Variants in LAMA1 observed in about 807,000 individuals in gnomAD.
The protein encoded by LAMA1 is laminin subunit alpha 1, also known as laminin subunit alpha-1.
Under a neutral mutation model 348.7 loss-of-function variants are expected in LAMA1, and 219 were observed. That is an observed-to-expected ratio of 0.63 (90% CI 0.56 to 0.70). The LOEUF is 0.70. Among genes scored for constraint, LAMA1 ranks in the 30% least tolerant of loss-of-function variants. LAMA1 has a pLI of 0.00. For missense variants in LAMA1, 3,744 were observed against 3,888.0 expected (o/e 0.96, Z 0.99); for synonymous variants, 1,487 against 1,491.0 (o/e 1.00, Z 0.06).
chr18:7,068,110 C>T (rs1043369330), intron 3 of LAMA1, among the ~76,000 whole-genome samples: 1 of 152,202 alleles, frequency 6.6e-6, no homozygotes, highest in Non-Finnish European at 1.5e-5. Context: ...GCCTCGGCTT[C>T]CCAAAGTGCT....
Position 7,080,025 on chromosome 18 carries a change from G to C in LAMA1, c.295C>G (p.Gln99Glu). 2 of 1,614,148 alleles carry C rather than the reference G, an allele frequency of 1.2e-6. No homozygotes were observed. Among genetic ancestry groups the C allele is most frequent in the South Asian group, 2.2e-5 (2 of 91,080 alleles). Residue 99 changes from glutamine (Q) to glutamate (E), a missense_variant, in exon 3 of 63, where the codon CAG becomes GAG. Physicochemically the swap from Gln to Glu is conservative, Grantham distance 29 (BLOSUM62 2). Coordinates refer to ENST00000389658, the MANE Select transcript of LAMA1 (RefSeq NM_005559.4). Reference protein sequence around the residue: ...TNNWWQSPSIQNGREYHWVTI... With the variant: ...TNNWWQSPSIENGREYHWVTI... The stretch of plus-strand genomic sequence containing the variant: ...ACCCAGTGATATTCTCTCCCATTCT[G>C]AATGCTGGGACTTTGCCACCAGTTA...
intron 22 of LAMA1, among the ~76,000 whole-genome samples, chr18:7,014,555 A>AAGGATACAGTGAGCTTTG (rs36221713): frequency 8.5e-4 from 128 of 151,418 alleles, no homozygotes; most frequent in East Asian, 5.1e-3. Flanking sequence ...CCAAGAGGTC[A>AAGGATACAGTGAGCTTTG]AGGATACAGT....
rs2057768590 is a variant in LAMA1 at position 6,993,730 on chromosome 18, G to A, written c.4919C>T (p.Thr1640Ile). 1.2e-6 allele frequency: 2 copies of A among 1,613,124 alleles called. No homozygotes were observed. The highest frequency in any genetic ancestry group is 1.7e-6 in the Non-Finnish European group (2 of 1,179,130). Residue 1640 changes from threonine (T) to isoleucine (I), a missense_variant, in exon 35 of 63, where the codon ACC becomes ATC. Thr to Ile is a moderately conservative substitution (Grantham distance 89). Coordinates refer to ENST00000389658, the MANE Select transcript of LAMA1 (RefSeq NM_005559.4). ...CTCAGTTGCCCTATTCACCTTTTGG[G>A]TACTCGCTAACATCCTAGTGAGCTG... ...QKKLTRMLASTQKVNRATERI... is the reference protein window; with the variant it reads ...QKKLTRMLASIQKVNRATERI...
At chr18:6,976,163 A>G in intron 44 of LAMA1, 83 bp from the exon 45 acceptor site, 2 of 1,418,038 alleles carry the variant, frequency 1.4e-6, no homozygotes, top group Middle Eastern at 1.9e-4. Context: ...GCTATTCTGT[A>G]ATGAATTTTC....
At chr18:7,076,936 T>C (rs920012559) in intron 3 of LAMA1, 3 of 152,166 alleles carry the variant, frequency 2.0e-5, no homozygotes, top group African/African-American at 2.4e-5. Flanking sequence ...CACTGTAATA[T>C]GCTTTCTACA....
intron 25 of LAMA1, among the ~76,000 whole-genome samples, chr18:7,010,806 TC>T (rs1399867402): frequency 6.6e-6 from 1 of 151,986 alleles, no homozygotes; most frequent in African/African-American, 2.4e-5. Context: ...AGTAGTTTTT[TC>T]CCCCCAAATG....
chr18:6,978,188 T>G lies in LAMA1; in HGVS notation c.6190+8A>C, dbSNP rs1568015433. 1 of 1,614,118 alleles carries G rather than the reference T, an allele frequency of 6.2e-7. No individual in the cohort carries two copies. The highest frequency in any genetic ancestry group is 1.7e-5 in the Admixed American group (1 of 59,996). The stretch of plus-strand genomic sequence containing the variant: ...CGATCATGACTGGAAGGAAGGGCGC[T>G]GACATACTGGCCATGGTGGAGTCCT... On this transcript the variant is annotated splice_region_variant and intron_variant, in intron 43 of 62. Transcript: ENST00000389658.
intron 56 of LAMA1, chr18:6,956,196 A>G (rs966550429): frequency 2.3e-5 from 8 of 341,760 alleles, no homozygotes; most frequent in Non-Finnish European, 4.0e-5. Context: ...AGGGGAGAAC[A>G]TGAAAAATAG....
intron 5 of LAMA1, among the ~76,000 whole-genome samples, chr18:7,048,524 T>A (rs2058050754): frequency 6.6e-6 from 1 of 152,138 alleles, no homozygotes; most frequent in African/African-American, 2.4e-5. Flanking sequence ...AGTGTTGGGA[T>A]TACACACGTG....
At chr18:7,016,058 A>G (rs920562696) in intron 21 of LAMA1, among the ~76,000 whole-genome samples, 200 bp from the exon 22 acceptor site, 2 of 152,048 alleles carry the variant, frequency 1.3e-5, no homozygotes, top group African/African-American at 4.8e-5. Context: ...GGAAGCGGGG[A>G]AATGGGGACA....
At chr18:7,023,795 G>A (rs1218499068) in intron 18 of LAMA1, among the ~76,000 whole-genome samples, 1 of 152,154 alleles carries the variant, frequency 6.6e-6, no homozygotes, top group Non-Finnish European at 1.5e-5. Flanking sequence ...ATATTCAAAT[G>A]TGTGAACCAC....
At chr18:7,061,985 G>A (rs28725323) in intron 3 of LAMA1, among the ~76,000 whole-genome samples, 18,930 of 152,188 alleles carry the variant, frequency 0.12, 3,810 homozygotes, top group African/African-American at 0.42. Flanking sequence ...TGGGGGAGGG[G>A]TGAGCAAAGG....
intron 3 of LAMA1, among the ~76,000 whole-genome samples, chr18:7,063,882 G>GGGTA (rs1346296122): frequency 6.6e-6 from 1 of 152,160 alleles, no homozygotes; most frequent in Non-Finnish European, 1.5e-5. Flanking sequence ...GGTGTTTAAG[G>GGGTA]GGTACAGAGT....
intron 3 of LAMA1, among the ~76,000 whole-genome samples, chr18:7,053,919 C>T (rs996037831): frequency 1.3e-5 from 2 of 151,742 alleles, no homozygotes; most frequent in Non-Finnish European, 2.9e-5. Flanking sequence ...GAGTGGCATG[C>T]AGCACCACAC....
chr18:6,947,124 C>T (rs568862734), intron 61 of LAMA1, 39 bp downstream of exon 61: 1 of 1,613,938 alleles, frequency 6.2e-7, no homozygotes, highest in African/African-American at 1.3e-5. Flanking sequence ...GTCTCTGACA[C>T]TGGGGGGAGG....
intron 58 of LAMA1, among the ~76,000 whole-genome samples, chr18:6,950,280 G>A (rs1568003379): frequency 1.3e-5 from 2 of 152,108 alleles, no homozygotes; most frequent in Non-Finnish European, 2.9e-5. Context: ...TTGGGGAGGC[G>A]GCTTTGAGAA....
chr18:7,026,178 G>A, intron 16 of LAMA1, 72 bp from the exon 17 acceptor site: 1 of 1,552,698 alleles, frequency 6.4e-7, no homozygotes, highest in Non-Finnish European at 8.8e-7. Flanking sequence ...TAAGCAACTT[G>A]AAGTCCAAGC....
chr18:7,022,141 T>C (rs1339961125), intron 19 of LAMA1, among the ~76,000 whole-genome samples: 1 of 152,006 alleles, frequency 6.6e-6, no homozygotes, highest in East Asian at 1.9e-4. Flanking sequence ...ACCATCATCA[T>C]GTGTAGCTTC....
intron 3 of LAMA1, among the ~76,000 whole-genome samples, chr18:7,074,734 A>G (rs1037975800): frequency 1.3e-5 from 2 of 152,162 alleles, no homozygotes; most frequent in African/African-American, 2.4e-5. Flanking sequence ...ACTGCTAGAT[A>G]TCTGACAGTG....
Sources: allele counts gnomAD v4.1 joint callset (sites outside exome capture counted in the v4.1 genomes callset), GRCh38; gene constraint gnomAD v4.1.1; transcripts MANE v1.5; gene names NCBI Gene and HGNC (gene_info 2026-07-23, HGNC 2026-07-21).